Variants in PIK3C2G observed in about 807,000 individuals in gnomAD.
The protein encoded by PIK3C2G is phosphatidylinositol 3-kinase C2 domain-containing subunit gamma.
A neutral mutation model predicts 181.1 loss-of-function variants in PIK3C2G; 168 were observed. The ratio of observed to expected loss-of-function variants is 0.93; its 90% confidence interval spans 0.82 to 1.05. The LOEUF (loss-of-function observed/expected upper bound fraction) is 1.05, where lower values mean the gene tolerates loss of function less well. Ranked by LOEUF, PIK3C2G falls within the 50% of genes least tolerant of loss-of-function variation. The pLI, the probability that PIK3C2G is intolerant of heterozygous loss-of-function variation, is 0.00. For missense variants in PIK3C2G, 1,869 were observed against 1,732.8 expected, an observed-to-expected ratio of 1.08 and a Z score of -1.40; for synonymous variants, 573 against 592.2, an observed-to-expected ratio of 0.97 and a Z score of 0.47.
intron 18 of PIK3C2G, among the ~76,000 whole-genome samples, chr12:18,476,101 A>G (rs1428822105): frequency 1.3e-5 from 2 of 152,226 alleles, no homozygotes; most frequent in South Asian, 2.1e-4. Context: ...ATAACTGTCA[A>G]TAAGAACAAC....
intron 31 of PIK3C2G, among the ~76,000 whole-genome samples, chr12:18,611,469 G>A (rs1464024511): frequency 6.6e-6 from 1 of 152,014 alleles, no homozygotes; most frequent in Non-Finnish European, 1.5e-5. Context: ...CAAGCCTCAT[G>A]GCTTTAAACA....
intron 24 of PIK3C2G, among the ~76,000 whole-genome samples, chr12:18,526,444 TAGCCTAAGCACCA>T (rs1271387431): frequency 6.6e-6 from 1 of 152,206 alleles, no homozygotes; most frequent in African/African-American, 2.4e-5. Flanking sequence ...GATATCTTTG[TAGCCTAAGCACCA>T]AGCATAGAGC....
intron 1 of PIK3C2G, among the ~76,000 whole-genome samples, chr12:18,262,485 C>T (rs1008727878): frequency 1.3e-5 from 2 of 152,000 alleles, no homozygotes; most frequent in African/African-American, 4.8e-5. Flanking sequence ...CTCAAGGGCT[C>T]TTTCCATGAC....
the PIK3C2G span, among the ~76,000 whole-genome samples, chr12:18,668,630 T>A: frequency 6.6e-6 from 1 of 152,098 alleles, no homozygotes; most frequent in East Asian, 1.9e-4. Flanking sequence ...AGCCCACAGA[T>A]CATAGCACAA....
the PIK3C2G span, chr12:18,723,620 CAT>C: frequency 4.5e-5 from 48 of 1,077,186 alleles, no homozygotes; most frequent in African/African-American, 1.1e-4. Context: ...ATTTATGTAA[CAT>C]GTAGTAATTT....
At chr12:18,635,172 A>G (rs1048830887) in intron 31 of PIK3C2G, among the ~76,000 whole-genome samples, 1 of 152,188 alleles carries the variant, frequency 6.6e-6, no homozygotes, top group African/African-American at 2.4e-5. Context: ...CCTGTATATC[A>G]TGCAGAACTA....
intron 18 of PIK3C2G, among the ~76,000 whole-genome samples, chr12:18,471,013 G>T (rs115313350): frequency 6.6e-6 from 1 of 151,992 alleles, no homozygotes; most frequent in African/African-American, 2.4e-5. Flanking sequence ...GTTAAGAAAC[G>T]TTAACTTAGA....
At chr12:18,563,686 C>G (rs1945464888) in intron 28 of PIK3C2G, among the ~76,000 whole-genome samples, 188 bp downstream of exon 28, 1 of 152,118 alleles carries the variant, frequency 6.6e-6, no homozygotes, top group Non-Finnish European at 1.5e-5. Flanking sequence ...TAAAACAGAA[C>G]AAGATTTGCA....
intron 29 of PIK3C2G, among the ~76,000 whole-genome samples, chr12:18,586,687 G>A (rs1249524771): frequency 6.6e-6 from 1 of 152,008 alleles, no homozygotes; most frequent in Non-Finnish European, 1.5e-5. Flanking sequence ...CCAAAAAATT[G>A]AGAAGAGACT....
intron 11 of PIK3C2G, among the ~76,000 whole-genome samples, chr12:18,362,040 A>G (rs1048170209): frequency 6.6e-6 from 1 of 152,038 alleles, no homozygotes; most frequent in Non-Finnish European, 1.5e-5. Context: ...GTGCTCCAAG[A>G]CAGACAAGAC....
At chr12:18,481,609 A>G (rs1157378371) in intron 18 of PIK3C2G, among the ~76,000 whole-genome samples, 1 of 152,206 alleles carries the variant, frequency 6.6e-6, no homozygotes, top group African/African-American at 2.4e-5. Flanking sequence ...ATACTCATAT[A>G]TATGCAGTGT....
intron 12 of PIK3C2G, among the ~76,000 whole-genome samples, chr12:18,368,162 C>T (rs1443492618): frequency 6.6e-6 from 1 of 152,068 alleles, no homozygotes; most frequent in East Asian, 1.9e-4. Flanking sequence ...GTGGGGACAC[C>T]AAGCCAAATC....
chr12:18,253,884 G>T, intron 1 of PIK3C2G, among the ~76,000 whole-genome samples: 1 of 148,230 alleles, frequency 6.7e-6, no homozygotes. Context: ...ACAGCAATTA[G>T]CCAAACCTTA....
At chr12:18,399,151 C>A (rs1192006380) in intron 15 of PIK3C2G, among the ~76,000 whole-genome samples, 1 of 144,938 alleles carries the variant, frequency 6.9e-6, no homozygotes, top group Non-Finnish European at 1.5e-5. Flanking sequence ...GCCGAGATCC[C>A]GCCACTGCAC....
chr12:18,601,385 T>C (rs77100031), intron 30 of PIK3C2G, among the ~76,000 whole-genome samples: 162 of 152,148 alleles, frequency 1.1e-3, no homozygotes, highest in African/African-American at 3.9e-3. Context: ...CAACACCATA[T>C]ATTTTCACTC....
intron 24 of PIK3C2G, among the ~76,000 whole-genome samples, chr12:18,533,649 T>C (rs1350111672): frequency 6.6e-6 from 1 of 152,192 alleles, no homozygotes; most frequent in East Asian, 1.9e-4. Flanking sequence ...TTTAGAACAT[T>C]GATTTTTTAA....
chr12:18,454,421 CTGAGAAAACAG>C (rs1285378197), intron 18 of PIK3C2G, among the ~76,000 whole-genome samples: 1 of 152,024 alleles, frequency 6.6e-6, no homozygotes, highest in East Asian at 1.9e-4. Context: ...GCTTTCTCTG[CTGAGAAAACAG>C]TGAGTTCAAA....
chr12:18,260,544 T>C (rs1008735266), upstream of PIK3C2G, among the ~76,000 whole-genome samples: 2 of 152,032 alleles, frequency 1.3e-5, no homozygotes. Flanking sequence ...TGTTGTACAA[T>C]TGTGAACCTT....
intron 5 of PIK3C2G, among the ~76,000 whole-genome samples, chr12:18,299,767 T>C (rs1034974443): frequency 6.6e-6 from 1 of 152,022 alleles, no homozygotes; most frequent in Non-Finnish European, 1.5e-5. Context: ...CATCAGATAC[T>C]TTTTCTGTAC....
Sources: allele counts gnomAD v4.1 joint callset (sites outside exome capture counted in the v4.1 genomes callset), GRCh38; gene constraint gnomAD v4.1.1; transcripts MANE v1.5; gene names NCBI Gene and HGNC (gene_info 2026-07-23, HGNC 2026-07-21).